Variants in SIPA1L3 observed in about 807,000 individuals in gnomAD.
SIPA1L3 encodes the protein signal induced proliferation associated 1 like 3.
Under a neutral mutation model 150.1 loss-of-function variants are expected in SIPA1L3, and 59 were observed. The observed-to-expected ratio is 0.39, with a 90% CI of 0.32 to 0.49. SIPA1L3 has a LOEUF of 0.49. SIPA1L3 is among the 20% of genes least tolerant of loss of function. The pLI is 0.86. For missense variants in SIPA1L3, 2,211 were observed against 2,489.5 expected, an observed-to-expected ratio of 0.89 and a Z score of 2.38; for synonymous variants, 1,070 against 1,077.6, an observed-to-expected ratio of 0.99 and a Z score of 0.14.
intron 2 of SIPA1L3, among the ~76,000 whole-genome samples, chr19:38,078,463 C>G (rs1021163906): frequency 6.6e-6 from 1 of 150,670 alleles, no homozygotes; most frequent in Admixed American, 6.6e-5. Context: ...CACACACACA[C>G]ACACACAGGC....
chr19:38,203,273 C>T (rs1193818141), intron 20 of SIPA1L3, among the ~76,000 whole-genome samples: 5 of 152,164 alleles, frequency 3.3e-5, no homozygotes, highest in South Asian at 4.1e-4. Context: ...CCCTGGGCGG[C>T]GCTCCTGGAG....
chr19:38,198,437 C>T lies in SIPA1L3; in HGVS notation c.4889C>T (p.Pro1630Leu), dbSNP rs1160645376. The change falls in exon 19 of 22, where the codon CCC (proline) becomes CTC (leucine). Residue 1630 changes from proline (P) to leucine (L), a missense_variant. By Grantham distance (98) the Pro-to-Leu change is moderately conservative (BLOSUM62 -3). This residue lies in a region of SIPA1L3 where 806 missense variants were observed against 870.1 expected (regional missense o/e 0.93). Transcript: ENST00000222345. ...TCGCTGGCTGATGGGCGGGACCGCC[C>T]CCTGCGGCGCCTGGACCCTGGGCTG... The part of the protein sequence containing the change: ...ELSLADGRDR[P>L]LRRLDPGLMP... The T allele has an allele frequency of 6.2e-7, 1 of 1,601,694 alleles. No individual in the cohort carries two copies. Among genetic ancestry groups the T allele is most frequent in the Admixed American group, 1.7e-5 (1 of 58,566 alleles).
chr19:38,157,179 A>C (rs1051817093), intron 13 of SIPA1L3, among the ~76,000 whole-genome samples: 1 of 152,146 alleles, frequency 6.6e-6, no homozygotes, highest in Non-Finnish European at 1.5e-5. Flanking sequence ...AAAAATAAAA[A>C]AAAGTTGGTT....
intron 1 of SIPA1L3, among the ~76,000 whole-genome samples, chr19:38,028,536 G>A (rs1316641671): frequency 6.6e-6 from 1 of 152,090 alleles, no homozygotes; most frequent in Non-Finnish European, 1.5e-5. Context: ...ACCCCGCTAG[G>A]TTTCATCAAG....
intron 14 of SIPA1L3, among the ~76,000 whole-genome samples, chr19:38,162,588 G>A (rs575773827): frequency 1.2e-4 from 19 of 152,324 alleles, no homozygotes; most frequent in Non-Finnish European, 1.9e-4. Flanking sequence ...TCCTCGAGCC[G>A]CAGTTTCCTC....
chr19:38,089,683 C>T (rs1189892785), intron 4 of SIPA1L3, among the ~76,000 whole-genome samples: 1 of 152,240 alleles, frequency 6.6e-6, no homozygotes, highest in Non-Finnish European at 1.5e-5. Context: ...GGCTGGAAGC[C>T]TTCCCCTGGA....
intron 1 of SIPA1L3, among the ~76,000 whole-genome samples, chr19:37,980,612 C>A (rs1000941637): frequency 6.6e-6 from 1 of 152,114 alleles, no homozygotes; most frequent in Non-Finnish European, 1.5e-5. Context: ...GAGGCTGAGG[C>A]CAGGGAGGAG....
rs975083424 is a variant in SIPA1L3 at position 38,164,742 on chromosome 19, C to T, written c.4044C>T (p.Arg1348=). ...PGSMGLCGGG[R]EAAGRSHHAD... is the part of the protein sequence containing the mutation. ...GTATGGGCCTTTGTGGCGGGGGTCG[C>T]GAGGCCGCTGGGAGGTCCCACCACG... The change falls in exon 15 of 22, where the codon CGC becomes CGT. Residue 1348 remains arginine, a synonymous_variant. Transcript: ENST00000222345. This position sits in a 1 kb window ranked among gnomAD's most constrained non-coding sequence, Gnocchi z 4.1. The T allele has an allele frequency of 8.7e-6, 14 of 1,612,764 alleles. No individual in the cohort carries two copies. Among genetic ancestry groups the T allele is most frequent in the African/African-American group, 4.0e-5 (3 of 74,916 alleles).
intron 15 of SIPA1L3, among the ~76,000 whole-genome samples, chr19:38,179,162 G>A (rs1021207405): frequency 7.9e-5 from 12 of 152,168 alleles, no homozygotes; most frequent in Admixed American, 3.3e-4. Context: ...GTTTCAGGCC[G>A]GATGTGGTGG....
At chr19:38,044,517 C>T (rs1011087962) in intron 2 of SIPA1L3, among the ~76,000 whole-genome samples, 1 of 151,896 alleles carries the variant, frequency 6.6e-6, no homozygotes, top group African/African-American at 2.4e-5. Context: ...GATGAGGGCC[C>T]GAGGTGATTG....
At chr19:38,036,505 CAG>C (rs1165360388) in intron 2 of SIPA1L3, among the ~76,000 whole-genome samples, 1 of 152,228 alleles carries the variant, frequency 6.6e-6, no homozygotes, top group Non-Finnish European at 1.5e-5. Flanking sequence ...CTCAGGAGCA[CAG>C]AGTCGCAGCT....
In SIPA1L3 at chr19:38,082,486, C is replaced by A. The variant is rs765685255; in HGVS notation, c.921C>A (p.Ser307Arg). ...CGTCCATCTTTCGGAAGCTAAGGAG[C>A]AGCAAACCCGAGGGGGAGGCTGGGC... ...VDSSIFRKLRSSKPEGEAGRS... is the reference protein window; with the variant it reads ...VDSSIFRKLRRSKPEGEAGRS... The change falls in exon 3 of 22, where the codon AGC becomes AGA. Residue 307 changes from serine to arginine, a missense_variant. Transcript: ENST00000222345. 3.8e-6 allele frequency: 6 copies of A among 1,592,814 alleles called. No individual in the cohort carries two copies. Among genetic ancestry groups the A allele is most frequent in the African/African-American group, 1.3e-5 (1 of 74,718 alleles).
At chr19:38,071,149 C>T (rs1568532140) in intron 2 of SIPA1L3, among the ~76,000 whole-genome samples, 1 of 152,286 alleles carries the variant, frequency 6.6e-6, no homozygotes, top group Non-Finnish European at 1.5e-5. Context: ...CCAGTGCTCC[C>T]TGGTCCTGAG....
chr19:38,106,934 A>G (rs1970636202), intron 7 of SIPA1L3, among the ~76,000 whole-genome samples: 1 of 152,246 alleles, frequency 6.6e-6, no homozygotes, highest in Admixed American at 6.5e-5. Context: ...TGAATCAGTC[A>G]ACATTATTTT....
At chr19:38,010,999 T>G (rs1276008863) in intron 1 of SIPA1L3, among the ~76,000 whole-genome samples, 1 of 152,242 alleles carries the variant, frequency 6.6e-6, no homozygotes, top group Non-Finnish European at 1.5e-5. Flanking sequence ...TGTTTCTTTA[T>G]TCACTGAGAA....
chr19:38,148,686 T>G (rs1210748498), intron 12 of SIPA1L3, among the ~76,000 whole-genome samples: 1 of 152,150 alleles, frequency 6.6e-6, no homozygotes, highest in African/African-American at 2.4e-5. Context: ...CTGTCTGTTT[T>G]GGTGCTTTCC....
intron 1 of SIPA1L3, among the ~76,000 whole-genome samples, chr19:38,009,208 C>T (rs781573654): frequency 5.1e-4 from 77 of 151,932 alleles, no homozygotes; most frequent in African/African-American, 1.8e-3. Context: ...CTAATAGAGA[C>T]GGGGTTTCAC....
chr19:38,085,965 C>A (rs956845507), intron 3 of SIPA1L3, among the ~76,000 whole-genome samples: 2 of 152,062 alleles, frequency 1.3e-5, no homozygotes, highest in African/African-American at 4.8e-5. Flanking sequence ...CATCACAATC[C>A]AGCCTGGGCG....
intron 18 of SIPA1L3, among the ~76,000 whole-genome samples, chr19:38,196,244 C>T (rs1312699634): frequency 6.6e-6 from 1 of 152,222 alleles, no homozygotes; most frequent in Non-Finnish European, 1.5e-5. Context: ...ATGGCAGCCA[C>T]TCCCGTGGCT....
Sources: allele counts gnomAD v4.1 joint callset (sites outside exome capture counted in the v4.1 genomes callset), GRCh38; gene constraint gnomAD v4.1.1; regional missense constraint gnomAD v4.1.1; non-coding constraint Gnocchi (gnomAD v3.1); transcripts MANE v1.5; gene names NCBI Gene and HGNC (gene_info 2026-07-23, HGNC 2026-07-21).